Variants in TLE6 observed in about 807,000 individuals in gnomAD.
TLE6 encodes transducin-like enhancer protein 6.
Under a neutral mutation model 77.1 loss-of-function variants are expected in TLE6, and 72 were observed. The observed-to-expected ratio is 0.93, with a 90% confidence interval of 0.77 to 1.14. The LOEUF (loss-of-function observed/expected upper bound fraction) is 1.14. TLE6 is among the 50% of genes most tolerant of loss of function. The probability of loss-of-function intolerance (pLI) is 0.00; values close to 1 mark genes in which losing one functional copy is unlikely to be tolerated. For synonymous variants in TLE6, 366 were observed against 287.3 expected (o/e 1.27, Z -2.77); for missense variants, 843 against 747.6 (o/e 1.13, Z -1.49).
In TLE6 at chr19:2,985,247, CAAAAG is replaced by C. The variant is rs1448954939; in HGVS notation, c.223-1580_223-1576del. 2.6e-5 allele frequency among the ~76,000 whole-genome samples: 4 copies of C among 151,484 alleles called. No individual in the cohort carries two copies. The South Asian group carries it at 8.3e-4, about 32-fold the overall frequency. On this transcript the variant is annotated intron_variant, in intron 5 of 16. Transcript: ENST00000246112. ...CCTGGGCGACAGAGCAAGACTGTCTCAAAAGAGAAAAAAAAATTACCACTGACTTG... is the reference window on the plus strand; with the variant it reads ...CCTGGGCGACAGAGCAAGACTGTCTCAGAAAAAAAAATTACCACTGACTTG...
Position 2,995,030 on chromosome 19 carries a change from C to G in TLE6, c.*26C>G. 6.9e-7 allele frequency: 1 copy of G among 1,441,692 alleles called. No individual in the cohort carries two copies. Among genetic ancestry groups the G allele is most frequent in the Non-Finnish European group, 9.5e-7 (1 of 1,052,710 alleles). 89.3% of individuals were successfully genotyped at this position (1,441,692 alleles called of 1,614,324 possible). On this transcript the variant is annotated 3_prime_UTR_variant, in exon 17 of 17. Coordinates refer to ENST00000246112, the MANE Select transcript of TLE6 (RefSeq NM_001143986.2). ...GGGGCCTCGCTGCTGTCATCCCACT[C>G]CGGCTCCTCTTTTCATCCCCCCCCT...
In TLE6 at chr19:2,995,037, C is replaced by A. The variant is rs750061070; in HGVS notation, c.*33C>A. 3 of 1,341,482 alleles carry A rather than the reference C, an allele frequency of 2.2e-6. No individual in the cohort carries two copies. Among genetic ancestry groups the A allele is most frequent in the Non-Finnish European group, 3.1e-6 (3 of 971,242 alleles). 83.1% of individuals were successfully genotyped at this position (1,341,482 alleles called of 1,614,324 possible). On this transcript the variant is annotated 3_prime_UTR_variant, in exon 17 of 17. Coordinates refer to ENST00000246112, the MANE Select transcript of TLE6 (RefSeq NM_001143986.2). ...CGCTGCTGTCATCCCACTCCGGCTC[C>A]TCTTTTCATCCCCCCCCTTCCCCCC...
At chr19:2,992,915 G>A (rs1352698434) in intron 14 of TLE6, among the ~76,000 whole-genome samples, 9 of 149,434 alleles carry the variant, frequency 6.0e-5, no homozygotes, top group African/African-American at 1.7e-4. Context: ...CAGGCCGGGC[G>A]CAGTGTCTCA....
intron 13 of TLE6, among the ~76,000 whole-genome samples, 155 bp from the exon 14 acceptor site, chr19:2,991,688 G>A (rs768304976): frequency 2.0e-5 from 3 of 150,696 alleles, no homozygotes; most frequent in Non-Finnish European, 4.4e-5. Flanking sequence ...ACTAGATCCT[G>A]TGTCTGTTTT....
intron 5 of TLE6, chr19:2,983,864 C>T (rs918625876): frequency 2.0e-5 from 3 of 152,472 alleles, no homozygotes; most frequent in Non-Finnish European, 4.4e-5. Flanking sequence ...TAATTGTGGA[C>T]GTGTTTTGGG....
chr19:2,986,737 C>T (rs1259022272), intron 5 of TLE6, 92 bp from the exon 6 acceptor site: 4 of 1,274,954 alleles, frequency 3.1e-6, no homozygotes, highest in South Asian at 1.3e-5. Context: ...GATTGATATA[C>T]CTTCTTCTAC....
At chr19:2,980,990 G>C (rs2088786293) in intron 3 of TLE6, among the ~76,000 whole-genome samples, 2 of 151,928 alleles carry the variant, frequency 1.3e-5, no homozygotes, top group Non-Finnish European at 2.9e-5. Flanking sequence ...ATTGGAGGCT[G>C]CAGTGAGCCA....
At position 2,986,886 on chromosome 19, in the gene TLE6, G is replaced by A; in HGVS notation, c.280G>A (p.Glu94Lys). The change falls in exon 6 of 17, where the codon GAG (glutamate) becomes AAG (lysine). Residue 94 changes from glutamate (E) to lysine (K), a missense_variant. Transcript: ENST00000246112. The stretch of plus-strand genomic sequence containing the variant: ...CAGCCAACTCCAGGGTTTCCAGTCT[G>A]AGGAGGTGAGTTTCTGGGTCTTCAA... ...SCSQLQGFQS[E>K]EVSPAEPASP... 2 of 1,551,812 alleles carry A rather than the reference G, an allele frequency of 1.3e-6. No individual in the cohort carries two copies. Among genetic ancestry groups the A allele is most frequent in the South Asian group, 2.4e-5 (2 of 84,116 alleles).
At position 2,995,044 on chromosome 19, in the gene TLE6, C is replaced by T. The variant is rs762644209; in HGVS notation, c.*40C>T. ...GTCATCCCACTCCGGCTCCTCTTTTCATCCCCCCCCTTCCCCCCCCCCAAC... is the reference window on the plus strand; with the variant it reads ...GTCATCCCACTCCGGCTCCTCTTTTTATCCCCCCCCTTCCCCCCCCCCAAC... On this transcript the variant is annotated 3_prime_UTR_variant, in exon 17 of 17. Coordinates refer to ENST00000246112, the MANE Select transcript of TLE6 (RefSeq NM_001143986.2). 32 of 1,231,856 alleles carry T rather than the reference C, an allele frequency of 2.6e-5. No individual in the cohort carries two copies. The South Asian group carries it at 3.2e-4, about 12-fold the overall frequency. 76.3% of individuals were successfully genotyped at this position (1,231,856 alleles called of 1,614,324 possible).
intron 14 of TLE6, among the ~76,000 whole-genome samples, chr19:2,992,449 G>A (rs888057023): frequency 7.2e-5 from 11 of 151,972 alleles, no homozygotes; most frequent in Non-Finnish European, 1.5e-4. Flanking sequence ...TCCAGGCTGC[G>A]CAATAAGAGC....
At chr19:2,985,399 CTTTT>C (rs1158204473) in intron 5 of TLE6, among the ~76,000 whole-genome samples, 1 of 89,990 alleles carries the variant, frequency 1.1e-5, no homozygotes, top group Non-Finnish European at 2.1e-5. Flanking sequence ...TGCTTGAAGC[CTTTT>C]TTTTTTTTTT....
rs1555686268 is a variant in TLE6, at chr19:2,991,395, T to TATATATATATAC, written c.1245-447_1245-446insTATATATATACA. Among the ~76,000 whole-genome samples, 161 of 114,108 alleles carry TATATATATATAC rather than the reference T, an allele frequency of 1.4e-3. 4 individuals carry two copies. Among genetic ancestry groups the TATATATATATAC allele is most frequent in the East Asian group, 1.9e-3 (8 of 4,286 alleles). The allele number at this position is 114,108 out of a possible 152,430, so 74.9% of individuals were successfully genotyped here. A position where few individuals can be genotyped will look rare whatever the true frequency, so the allele number is the denominator to read the frequency against. On this transcript the variant is annotated intron_variant, in intron 13 of 16. Transcript: ENST00000246112. The stretch of plus-strand genomic sequence containing the variant: ...AAATACGTATATATATATATATATA[T>TATATATATATAC]ACACACACACACACACACACACACA...
At chr19:2,989,499 G>A in intron 12 of TLE6, 36 bp from the exon 13 acceptor site, 1 of 1,593,162 alleles carries the variant, frequency 6.3e-7, no homozygotes, top group Non-Finnish European at 8.5e-7. Flanking sequence ...GAATGCCACG[G>A]GGGGCGACAG....
rs747206884 is a variant in TLE6 at position 2,989,525 on chromosome 19, C to T, written c.994-10C>T. On this transcript the variant is annotated splice_polypyrimidine_tract_variant and intron_variant, in intron 12 of 16. Transcript: ENST00000246112. The stretch of plus-strand genomic sequence containing the variant: ...GGGGCGACAGCTCACAGTGACTCTG[C>T]CCATCCCAGACCCCTGGGGCCTTCC... The T allele has an allele frequency of 6.2e-7, 1 of 1,607,142 alleles. No individual in the cohort carries two copies. Among genetic ancestry groups the T allele is most frequent in the South Asian group, 1.1e-5 (1 of 90,504 alleles).
intron 13 of TLE6, among the ~76,000 whole-genome samples, 200 bp from the exon 14 acceptor site, chr19:2,991,643 C>T (rs969617063): frequency 6.0e-5 from 9 of 149,648 alleles, no homozygotes; most frequent in East Asian, 5.9e-4. Flanking sequence ...CCCAGGCGGA[C>T]GGAGAAGGGA....
Position 2,995,057 on chromosome 19 carries a change from C to CA in TLE6, c.*53_*54insA. 1 of 541,082 alleles carries CA rather than the reference C, an allele frequency of 1.8e-6. No homozygotes were observed. Among genetic ancestry groups the CA allele is most frequent in the Non-Finnish European group, 2.7e-6 (1 of 374,566 alleles). 33.5% of individuals were successfully genotyped at this position (541,082 alleles called of 1,614,324 possible). A position where few individuals can be genotyped will look rare whatever the true frequency, so the allele number is the denominator to read the frequency against. Reference sequence around the variant, plus strand: ...GGCTCCTCTTTTCATCCCCCCCCTTCCCCCCCCCCAACAAGGGGGACATGG... The same window carrying CA: ...GGCTCCTCTTTTCATCCCCCCCCTTCACCCCCCCCCAACAAGGGGGACATGG... On this transcript the variant is annotated 3_prime_UTR_variant, in exon 17 of 17. Coordinates refer to ENST00000246112, the MANE Select transcript of TLE6 (RefSeq NM_001143986.2).
chr19:2,995,141 T>G lies in TLE6; in HGVS notation c.*137T>G, dbSNP rs1036949670. Reference sequence around the variant, plus strand: ...GCACGATCTAGTCTGTGGTGTAGACTGGTCGCCATCACGTGTAATAAAGCA... The same window carrying G: ...GCACGATCTAGTCTGTGGTGTAGACGGGTCGCCATCACGTGTAATAAAGCA... On this transcript the variant is annotated 3_prime_UTR_variant, in exon 17 of 17. Transcript: ENST00000246112. The G allele has an allele frequency of 1.8e-6, 1 of 550,048 alleles. No individual in the cohort carries two copies. The highest frequency in any genetic ancestry group is 2.5e-5 in the South Asian group (1 of 39,994). 34.1% of individuals were successfully genotyped at this position (550,048 alleles called of 1,614,324 possible). A position where few individuals can be genotyped will look rare whatever the true frequency, so the allele number is the denominator to read the frequency against.
At chr19:2,986,037 G>A (rs955671712) in intron 5 of TLE6, among the ~76,000 whole-genome samples, 4 of 114,982 alleles carry the variant, frequency 3.5e-5, no homozygotes, top group African/African-American at 1.3e-4. Flanking sequence ...TCACATCACT[G>A]CACTCCTGCC....
rs759643393 is a variant in TLE6, at chr19:2,989,311, C to T, written c.991C>T (p.Gln331Ter). Residue 331 changes from glutamine to a stop codon, truncating the protein, a stop_gained and splice_region_variant, in exon 12 of 17, where the codon CAG (glutamine) becomes TAG (stop). Transcript: ENST00000246112. LOFTEE classifies it high-confidence loss of function. Reference protein sequence around the residue: ...DRFPESHLPIQTPGAFLRTCL... With the variant: ...DRFPESHLPI ...GTTCCCTGAGAGCCACCTGCCTATA[C>T]AGGTGAGGACGGCCTTGGTTTCCAG... is the stretch of plus-strand genomic sequence containing the variant. 1 of 1,612,682 alleles carries T rather than the reference C, an allele frequency of 6.2e-7. No homozygotes were observed. Among genetic ancestry groups the T allele is most frequent in the South Asian group, 1.1e-5 (1 of 91,060 alleles).
Sources: gnomAD v4.1 joint callset for allele counts (sites outside exome capture counted in the v4.1 genomes callset) on GRCh38, gnomAD v4.1.1 for gene constraint, MANE v1.5 for transcripts, NCBI Gene and HGNC (gene_info 2026-07-23, HGNC 2026-07-21) for gene names.